The following CPD variants were observed in gnomAD, a reference collection of about 807,000 sequenced individuals.
The protein encoded by CPD is metallocarboxypeptidase D.
A neutral mutation model predicts 138.3 loss-of-function variants in CPD; 69 were observed. The observed-to-expected ratio is 0.50, with a 90% CI of 0.41 to 0.61. The LOEUF (loss-of-function observed/expected upper bound fraction) is 0.61. Ranked by LOEUF, CPD falls within the 20% of genes least tolerant of loss-of-function variation. The probability of loss-of-function intolerance (pLI) is 0.00; values close to 1 mark genes in which losing one functional copy is unlikely to be tolerated. For synonymous variants in CPD, 651 were observed against 642.1 expected (o/e 1.01, Z -0.21); for missense variants, 1,432 against 1,733.3 (o/e 0.83, Z 3.09).
chr17:30,424,607 G>A lies in CPD; in HGVS notation c.1849+910G>A, dbSNP rs150757426. ...AAGTGAAAAACCAAACCAGATATCT[G>A]TCTGAGTCAGTGACTCTGTTTTGAC... is the stretch of plus-strand genomic sequence containing the variant. On this transcript the variant is annotated intron_variant, in intron 6 of 20. Transcript: ENST00000225719. Among the ~76,000 whole-genome samples, 8 of 152,328 alleles carry A rather than the reference G, an allele frequency of 5.3e-5. No homozygotes were observed. In the East Asian group the frequency reaches 9.6e-4, roughly 18 times the overall value.
chr17:30,416,330 C>G (rs2143398218), intron 2 of CPD, among the ~76,000 whole-genome samples: 1 of 152,040 alleles, frequency 6.6e-6, no homozygotes, highest in Non-Finnish European at 1.5e-5. Context: ...GAAAGTCCGT[C>G]TCAAAAAAAA....
At chr17:30,411,513 G>T (rs568028972) in intron 2 of CPD, among the ~76,000 whole-genome samples, 1 of 152,020 alleles carries the variant, frequency 6.6e-6, no homozygotes, top group East Asian at 1.9e-4. Flanking sequence ...TGTAGATTTG[G>T]TTTTTTTACA....
Position 30,468,704 on chromosome 17 carries a change from C to T in CPD, c.*3890C>T, listed in dbSNP as rs1277335698. 1.3e-5 allele frequency: 2 copies of T among 152,418 alleles called. No homozygotes were observed. 9.4% of individuals were successfully genotyped at this position (152,418 alleles called of 1,614,324 possible). A position where few individuals can be genotyped will look rare whatever the true frequency, so the allele number is the denominator to read the frequency against. ...ATGTTTGTCTTTCTTTGTGTTTTGT[C>T]TCATAATCTTTTTTCAGATGCAATA... On this transcript the variant is annotated 3_prime_UTR_variant, in exon 21 of 21. Transcript: ENST00000225719.
At chr17:30,393,457 TA>T (rs2143327603) in intron 2 of CPD, among the ~76,000 whole-genome samples, 1 of 152,200 alleles carries the variant, frequency 6.6e-6, no homozygotes, top group African/African-American at 2.4e-5. Flanking sequence ...AATTGTAATC[TA>T]AAACAAAAAG....
intron 14 of CPD, chr17:30,454,180 C>G (rs1287571641): frequency 6.6e-6 from 1 of 152,238 alleles, no homozygotes; most frequent in African/African-American, 2.4e-5. Flanking sequence ...TTTTTCTTTT[C>G]TATTGCATAG....
chr17:30,442,177 C>T, intron 9 of CPD, 131 bp from the exon 10 acceptor site: 1 of 723,746 alleles, frequency 1.4e-6, no homozygotes. Context: ...AGTGCCCTCA[C>T]ATGAACACGT....
Position 30,379,434 on chromosome 17 carries a change from T to C in CPD, c.454T>C (p.Leu152=). ...CGTGTCGCGCCAGGTGTTGATCTAC[T>C]TGGCCCGCGAGCTGGCGGCCGGCTA... The part of the protein sequence containing the change: ...ETVSRQVLIY[L]ARELAAGYRR... Residue 152 remains leucine, a synonymous_variant, in exon 1 of 21, where the codon TTG becomes CTG. Transcript: ENST00000225719. This position sits in a 1 kb window ranked among gnomAD's most constrained non-coding sequence, Gnocchi z 7.0. 1 of 1,567,848 alleles carries C rather than the reference T, an allele frequency of 6.4e-7. No homozygotes were observed. Among genetic ancestry groups the C allele is most frequent in the Non-Finnish European group, 8.6e-7 (1 of 1,165,398 alleles).
intron 14 of CPD, chr17:30,454,862 T>A (rs1351267349): frequency 6.5e-6 from 1 of 153,172 alleles, no homozygotes; most frequent in Non-Finnish European, 1.5e-5. Flanking sequence ...ACCCATCAGA[T>A]CTTGTGAGAC....
intron 9 of CPD, 97 bp downstream of exon 9, chr17:30,439,174 T>C (rs1483494982): frequency 4.6e-6 from 3 of 658,922 alleles, no homozygotes; most frequent in Admixed American, 2.9e-5. Flanking sequence ...TGAGGAATAA[T>C]AATTATTTTT....
chr17:30,413,303 CATA>C (rs1444468091), intron 2 of CPD, among the ~76,000 whole-genome samples: 9 of 152,190 alleles, frequency 5.9e-5, no homozygotes, highest in African/African-American at 1.9e-4. Flanking sequence ...TGACTAATAT[CATA>C]ATGACTAAAT....
intron 2 of CPD, among the ~76,000 whole-genome samples, chr17:30,392,414 G>A (rs555577811): frequency 8.9e-4 from 135 of 152,064 alleles, no homozygotes; most frequent in African/African-American, 3.1e-3. Flanking sequence ...GTAGATCCTA[G>A]ATCAGTATTA....
intron 2 of CPD, among the ~76,000 whole-genome samples, chr17:30,409,892 C>T (rs1480847910): frequency 6.6e-6 from 1 of 152,122 alleles, no homozygotes; most frequent in Admixed American, 6.5e-5. Context: ...TTCTTGCCTT[C>T]TGCTAGCTTT....
At chr17:30,429,064 T>C (rs1912495699) in intron 7 of CPD, among the ~76,000 whole-genome samples, 1 of 152,130 alleles carries the variant, frequency 6.6e-6, no homozygotes, top group South Asian at 2.1e-4. Flanking sequence ...ATTGAGATTC[T>C]CCAAAAATTG....
intron 13 of CPD, among the ~76,000 whole-genome samples, chr17:30,451,194 G>A (rs1017527364): frequency 1.3e-5 from 2 of 152,202 alleles, no homozygotes; most frequent in African/African-American, 2.4e-5. Flanking sequence ...GAAGCCCAGT[G>A]CAGTTCTGCC....
intron 2 of CPD, among the ~76,000 whole-genome samples, chr17:30,401,800 C>G (rs1208229166): frequency 6.6e-6 from 1 of 151,874 alleles, no homozygotes; most frequent in Non-Finnish European, 1.5e-5. Flanking sequence ...TTTTTTCTGT[C>G]TTTGGTTTTC....
Position 30,442,320 on chromosome 17 carries a change from A to C in CPD, c.2243A>C (p.Asp748Ala). The change falls in exon 10 of 21, where the codon GAC (aspartate) becomes GCC (alanine). Residue 748 changes from aspartate to alanine, a missense_variant. By Grantham distance (126) the Asp-to-Ala change is moderately radical (BLOSUM62 -2). Around this residue, in one of 6 missense-constraint regions of CPD, gnomAD observed 297 missense variants for 405.3 expected, o/e 0.73. Coordinates refer to ENST00000225719, the MANE Select transcript of CPD (RefSeq NM_001304.5). ...TTTTATCTTTTAGGAGGAATGCAGG[A>C]CTGGAACTATTTACAAACAAATTGC... The part of the protein sequence containing the change: ...SWYNVPGGMQ[D>A]WNYLQTNCFE... 6.2e-7 allele frequency: 1 copy of C among 1,613,004 alleles called. No homozygotes were observed. The highest frequency in any genetic ancestry group is 8.5e-7 in the Non-Finnish European group (1 of 1,179,208).
chr17:30,398,647 CTTAG>C (rs1243962973), intron 2 of CPD, among the ~76,000 whole-genome samples: 1 of 151,852 alleles, frequency 6.6e-6, no homozygotes, highest in Admixed American at 6.6e-5. Flanking sequence ...GAACCAGCTA[CTTAG>C]TTAGGATTAC....
At chr17:30,456,043 C>T (rs763301193) in intron 15 of CPD, 3 of 528,280 alleles carry the variant, frequency 5.7e-6, no homozygotes, top group African/African-American at 1.9e-5. Flanking sequence ...GTTGTGAAAA[C>T]TCACCATTAG....
Position 30,445,719 on chromosome 17 carries a change from G to A in CPD, c.2572G>A (p.Val858Ile). 3 of 1,610,872 alleles carry A rather than the reference G, an allele frequency of 1.9e-6. No individual in the cohort carries two copies. Among genetic ancestry groups the A allele is most frequent in the East Asian group, 2.2e-5 (1 of 44,796 alleles). ...TAATCCAGTTACCAAGAATGTGACT[G>A]TCAAGAGTGAAGGCGCTATTCAGGT... ...GYNPVTKNVT[V>I]KSEGAIQVNF... Residue 858 changes from valine (V) to isoleucine (I), a missense_variant, in exon 12 of 21, where the codon GTC becomes ATC. By Grantham distance (29) the Val-to-Ile change is conservative. Coordinates refer to ENST00000225719, the MANE Select transcript of CPD (RefSeq NM_001304.5).
Sources: allele counts gnomAD v4.1 joint callset (sites outside exome capture counted in the v4.1 genomes callset), GRCh38; gene constraint gnomAD v4.1.1; regional missense constraint gnomAD v4.1.1; non-coding constraint Gnocchi (gnomAD v3.1); transcripts MANE v1.5; gene names NCBI Gene and HGNC (gene_info 2026-07-23, HGNC 2026-07-21).